Variants in LHFPL3 observed in about 807,000 individuals in gnomAD.
LHFPL3 encodes LHFPL tetraspan subfamily member 3 protein.
In LHFPL3, 5 loss-of-function variants were observed where a neutral mutation model predicts 19.3. The ratio of observed to expected loss-of-function variants is 0.26; its 90% confidence interval spans 0.14 to 0.54. LHFPL3 has a LOEUF of 0.54. Among genes scored for constraint, LHFPL3 ranks in the 20% least tolerant of loss-of-function variants. The probability of loss-of-function intolerance (pLI) is 0.94; values close to 1 mark genes in which losing one functional copy is unlikely to be tolerated. For synonymous variants in LHFPL3, 133 were observed against 126.2 expected (o/e 1.05, Z -0.36); for missense variants, 249 against 307.4 (o/e 0.81, Z 1.42).
chr7:104,658,630 G>A (rs1035557210), intron 1 of LHFPL3, among the ~76,000 whole-genome samples: 7 of 152,016 alleles, frequency 4.6e-5, no homozygotes, highest in South Asian at 2.1e-4. Flanking sequence ...GTGAAACCCC[G>A]TCTCTACTAA....
intron 2 of LHFPL3, among the ~76,000 whole-genome samples, chr7:104,749,960 T>C (rs1167026866): frequency 1.3e-5 from 2 of 152,228 alleles, no homozygotes; most frequent in African/African-American, 2.4e-5. Flanking sequence ...CCTAGTCCCT[T>C]TCCTGGTATA....
chr7:104,686,837 C>A (rs891941972), intron 1 of LHFPL3, among the ~76,000 whole-genome samples: 2 of 152,226 alleles, frequency 1.3e-5, no homozygotes, highest in African/African-American at 4.8e-5. Flanking sequence ...AGGAAACTTA[C>A]AATCATGGCA....
intron 2 of LHFPL3, among the ~76,000 whole-genome samples, chr7:104,755,562 TCC>T (rs1486539988): frequency 1.3e-5 from 2 of 148,156 alleles, no homozygotes; most frequent in Non-Finnish European, 3.0e-5. Flanking sequence ...TCTCTTTCTC[TCC>T]CCCAACCCCC....
chr7:104,542,091 A>G (rs1794496328), intron 1 of LHFPL3, among the ~76,000 whole-genome samples: 1 of 151,920 alleles, frequency 6.6e-6, no homozygotes, highest in South Asian at 2.1e-4. Context: ...GAAGAGCTCA[A>G]TTCACAGGGC....
intron 2 of LHFPL3, among the ~76,000 whole-genome samples, chr7:104,874,069 A>G (rs1460488438): frequency 6.6e-6 from 1 of 152,250 alleles, no homozygotes; most frequent in East Asian, 1.9e-4. Context: ...AGGCATACCC[A>G]GAAATGTGCT....
At chr7:104,718,413 T>C (rs1462786378) in intron 1 of LHFPL3, among the ~76,000 whole-genome samples, 1 of 152,180 alleles carries the variant, frequency 6.6e-6, no homozygotes, top group East Asian at 1.9e-4. Context: ...GGCTTAGAAA[T>C]GCTGGTCCTC....
intron 1 of LHFPL3, among the ~76,000 whole-genome samples, chr7:104,732,593 C>A (rs1487006889): frequency 2.0e-5 from 3 of 152,080 alleles, no homozygotes; most frequent in African/African-American, 7.2e-5. Context: ...TTTTCTATTG[C>A]ATCTATTTGA....
chr7:104,405,200 G>A (rs1430190299), intron 1 of LHFPL3, among the ~76,000 whole-genome samples: 2 of 152,116 alleles, frequency 1.3e-5, no homozygotes, highest in African/African-American at 2.4e-5. Context: ...CAATTTTTGA[G>A]CCTAGCAAAA....
intron 1 of LHFPL3, among the ~76,000 whole-genome samples, chr7:104,573,801 G>A (rs1007795066): frequency 2.6e-5 from 4 of 152,118 alleles, no homozygotes; most frequent in Admixed American, 1.3e-4. Context: ...TATTCTGGTC[G>A]CAATGCTTTG....
At position 104,906,319 on chromosome 7, in the gene LHFPL3, G is replaced by C; in HGVS notation, c.*104G>C. Reference sequence around the variant, plus strand: ...ATCAAGAAGGAATACGCCTGAGAGAGATCAGAGTATATAGATGAATATGAA... The same window carrying C: ...ATCAAGAAGGAATACGCCTGAGAGACATCAGAGTATATAGATGAATATGAA... On this transcript the variant is annotated 3_prime_UTR_variant, in exon 3 of 3. Transcript: ENST00000424859. The C allele has an allele frequency of 1.5e-6, 2 of 1,307,884 alleles. No individual in the cohort carries two copies. The highest frequency in any genetic ancestry group is 2.2e-6 in the Non-Finnish European group (2 of 928,282). 81.0% of individuals were successfully genotyped at this position (1,307,884 alleles called of 1,614,324 possible).
At chr7:104,534,598 A>T (rs1452160286) in intron 1 of LHFPL3, among the ~76,000 whole-genome samples, 1 of 152,202 alleles carries the variant, frequency 6.6e-6, no homozygotes, top group Admixed American at 6.5e-5. Flanking sequence ...AGTTTAAAGA[A>T]TTCCTATGTA....
At chr7:104,710,914 C>T (rs577478601) in intron 1 of LHFPL3, among the ~76,000 whole-genome samples, 1 of 152,204 alleles carries the variant, frequency 6.6e-6, no homozygotes, top group African/African-American at 2.4e-5. Flanking sequence ...CTGGACTCTC[C>T]AATACCTAAA....
At chr7:104,847,401 T>C (rs547613887) in intron 2 of LHFPL3, among the ~76,000 whole-genome samples, 1 of 152,366 alleles carries the variant, frequency 6.6e-6, no homozygotes, top group East Asian at 1.9e-4. Context: ...AGTTTTGAGA[T>C]ACATCCTTCC....
At chr7:104,368,037 C>T (rs1790528788) in intron 1 of LHFPL3, among the ~76,000 whole-genome samples, 1 of 152,178 alleles carries the variant, frequency 6.6e-6, no homozygotes, top group Admixed American at 6.5e-5. Context: ...GCTTTCCTCT[C>T]ATTAGGAATT....
chr7:104,590,418 C>A (rs1044378856), intron 1 of LHFPL3, among the ~76,000 whole-genome samples: 2 of 152,016 alleles, frequency 1.3e-5, no homozygotes, highest in South Asian at 2.1e-4. Context: ...TGTAGTTGAG[C>A]GGTTTTGAGT....
chr7:104,675,508 A>G (rs1352032011), intron 1 of LHFPL3, among the ~76,000 whole-genome samples: 1 of 152,208 alleles, frequency 6.6e-6, no homozygotes, highest in Non-Finnish European at 1.5e-5. Context: ...TAAAAGGATC[A>G]TCATTCTGCT....
At chr7:104,656,584 T>C (rs1007159383) in intron 1 of LHFPL3, among the ~76,000 whole-genome samples, 4 of 152,206 alleles carry the variant, frequency 2.6e-5, no homozygotes, top group East Asian at 3.9e-4. Flanking sequence ...TCATGCTTCC[T>C]GAAGAGGATC....
At chr7:104,495,751 G>A (rs1216628887) in intron 1 of LHFPL3, among the ~76,000 whole-genome samples, 1 of 152,010 alleles carries the variant, frequency 6.6e-6, no homozygotes, top group Admixed American at 6.6e-5. Context: ...TTGAACTCCC[G>A]GCCTCAAGTG....
At chr7:104,832,960 GTATA>G (rs71748649) in intron 2 of LHFPL3, among the ~76,000 whole-genome samples, 1 of 62,922 alleles carries the variant, frequency 1.6e-5, no homozygotes, top group Non-Finnish European at 2.9e-5. Flanking sequence ...CTAATAGGAT[GTATA>G]TATATATATA....
Sources: allele counts gnomAD v4.1 joint callset (sites outside exome capture counted in the v4.1 genomes callset), GRCh38; gene constraint gnomAD v4.1.1; transcripts MANE v1.5; gene names NCBI Gene and HGNC (gene_info 2026-07-23, HGNC 2026-07-21).